DOCK3: variants seen among roughly 807,000 people sequenced by gnomAD.
DOCK3 encodes the protein dedicator of cytokinesis 3, also known as dedicator of cytokinesis protein 3.
A neutral mutation model predicts 265.6 loss-of-function variants in DOCK3; 60 were observed. The observed-to-expected ratio is 0.23, with a 90% CI of 0.18 to 0.28. The LOEUF (loss-of-function observed/expected upper bound fraction) is 0.28, where lower values mean the gene tolerates loss of function less well. Among genes scored for constraint, DOCK3 ranks in the 10% least tolerant of loss-of-function variants. The pLI, the probability that DOCK3 is intolerant of heterozygous loss-of-function variation, is 1.00. For missense variants in DOCK3, 1,981 were observed against 2,594.3 expected, an observed-to-expected ratio of 0.76 and a Z score of 5.14; for synonymous variants, 881 against 938.0, an observed-to-expected ratio of 0.94 and a Z score of 1.11.
intron 12 of DOCK3, among the ~76,000 whole-genome samples, chr3:51,181,636 G>A (rs1057087003): frequency 1.3e-5 from 2 of 151,998 alleles, no homozygotes; most frequent in African/African-American, 4.8e-5. Context: ...TATTTATTGT[G>A]GATTCAAAAC....
At chr3:50,976,090 C>A (rs2077440568) in intron 5 of DOCK3, among the ~76,000 whole-genome samples, 2 of 150,420 alleles carry the variant, frequency 1.3e-5, no homozygotes, top group African/African-American at 4.9e-5. Flanking sequence ...TTTCAAAAAA[C>A]CAGCTCCTGG....
chr3:50,895,907 A>G (rs572589202), intron 4 of DOCK3, among the ~76,000 whole-genome samples: 9 of 152,248 alleles, frequency 5.9e-5, no homozygotes, highest in African/African-American at 2.2e-4. Context: ...TTCTTTATCA[A>G]GTCTATCATT....
chr3:51,023,760 C>T (rs2079695980), intron 5 of DOCK3, among the ~76,000 whole-genome samples: 1 of 152,156 alleles, frequency 6.6e-6, no homozygotes, highest in Non-Finnish European at 1.5e-5. Context: ...GAAAATTTTT[C>T]ATGCATATCC....
chr3:50,746,172 C>T (rs1235502849), intron 1 of DOCK3, among the ~76,000 whole-genome samples: 1 of 144,480 alleles, frequency 6.9e-6, no homozygotes, highest in Non-Finnish European at 1.5e-5. Context: ...TGCAATGGTA[C>T]AATCTCGGCT....
intron 3 of DOCK3, among the ~76,000 whole-genome samples, chr3:50,865,872 G>T (rs1177110674): frequency 6.6e-6 from 1 of 152,138 alleles, no homozygotes; most frequent in Non-Finnish European, 1.5e-5. Flanking sequence ...ATATTTCATT[G>T]TAGTTTTGGT....
At chr3:51,009,323 A>G (rs1379006288) in intron 5 of DOCK3, among the ~76,000 whole-genome samples, 10 of 151,966 alleles carry the variant, frequency 6.6e-5, no homozygotes, top group Admixed American at 3.3e-4. Context: ...CAGAGATTCA[A>G]CTTCTTCCTG....
At chr3:50,747,224 T>A (rs1231143606) in intron 1 of DOCK3, among the ~76,000 whole-genome samples, 1 of 152,264 alleles carries the variant, frequency 6.6e-6, no homozygotes, top group African/African-American at 2.4e-5. Flanking sequence ...CGTAGCTTTA[T>A]AATAATTCTT....
chr3:51,059,924 C>T (rs2081351559), intron 5 of DOCK3, among the ~76,000 whole-genome samples: 1 of 152,042 alleles, frequency 6.6e-6, no homozygotes, highest in Non-Finnish European at 1.5e-5. Flanking sequence ...ATAGATTATT[C>T]TCTTCAAAAT....
intron 23 of DOCK3, among the ~76,000 whole-genome samples, chr3:51,267,386 T>TG: frequency 8.7e-6 from 1 of 115,406 alleles, no homozygotes; most frequent in East Asian, 3.6e-4. Context: ...TTTTTCTTTC[T>TG]TTTTTTTTTT....
chr3:50,902,546 T>C (rs934203694), intron 4 of DOCK3, among the ~76,000 whole-genome samples: 1 of 152,190 alleles, frequency 6.6e-6, no homozygotes, highest in Non-Finnish European at 1.5e-5. Flanking sequence ...TGTGTGTCTG[T>C]TTTTGTACCA....
At chr3:50,754,371 G>A (rs1035050633) in intron 1 of DOCK3, among the ~76,000 whole-genome samples, 5 of 151,898 alleles carry the variant, frequency 3.3e-5, no homozygotes, top group Admixed American at 2.6e-4. Context: ...GGATTTATAC[G>A]CCAAACCCAG....
At chr3:51,250,609 A>G (rs1317821126) in intron 22 of DOCK3, among the ~76,000 whole-genome samples, 1 of 152,186 alleles carries the variant, frequency 6.6e-6, no homozygotes, top group African/African-American at 2.4e-5. Flanking sequence ...ACAGAGCAAA[A>G]CTCCATCTCA....
intron 51 of DOCK3, among the ~76,000 whole-genome samples, chr3:51,377,864 C>T (rs1190097585): frequency 6.6e-6 from 1 of 152,256 alleles, no homozygotes; most frequent in Admixed American, 6.5e-5. Context: ...AGGTGTGCAT[C>T]TGAGATCCTG....
intron 12 of DOCK3, among the ~76,000 whole-genome samples, chr3:51,188,613 GTTAT>G (rs1244853120): frequency 6.6e-6 from 1 of 152,112 alleles, no homozygotes; most frequent in Non-Finnish European, 1.5e-5. Context: ...CCCAGCTTCT[GTTAT>G]TTATCTTTCC....
intron 4 of DOCK3, among the ~76,000 whole-genome samples, chr3:50,895,320 C>A (rs924512054): frequency 4.0e-5 from 6 of 151,212 alleles, no homozygotes; most frequent in African/African-American, 1.5e-4. Flanking sequence ...AAACGTGTGC[C>A]ATGGTGGTTT....
chr3:51,316,694 T>C (rs1266199104), intron 32 of DOCK3, among the ~76,000 whole-genome samples: 2 of 152,250 alleles, frequency 1.3e-5, no homozygotes, highest in African/African-American at 4.8e-5. Context: ...TTTTCATTTC[T>C]ATTTCCCTAG....
chr3:51,138,267 T>C (rs1352820143), intron 9 of DOCK3, among the ~76,000 whole-genome samples: 1 of 152,216 alleles, frequency 6.6e-6, no homozygotes, highest in Admixed American at 6.5e-5. Context: ...AGTTTGAATA[T>C]TAATGGAAAG....
At chr3:50,827,748 C>T (rs2107039902) in intron 2 of DOCK3, among the ~76,000 whole-genome samples, 1 of 152,214 alleles carries the variant, frequency 6.6e-6, no homozygotes, top group East Asian at 1.9e-4. Flanking sequence ...AGTCCATTTG[C>T]ACTTTGATAT....
chr3:50,761,933 A>G (rs2040558026), intron 1 of DOCK3, among the ~76,000 whole-genome samples: 1 of 152,244 alleles, frequency 6.6e-6, no homozygotes, highest in South Asian at 2.1e-4. Context: ...GCCATAAGAA[A>G]GGATGAGTTC....
Sources: allele counts gnomAD v4.1 joint callset (sites outside exome capture counted in the v4.1 genomes callset), GRCh38; gene constraint gnomAD v4.1.1; transcripts MANE v1.5; gene names NCBI Gene and HGNC (gene_info 2026-07-23, HGNC 2026-07-21).